RTTN: variants seen among roughly 807,000 people sequenced by gnomAD.
RTTN encodes rotatin.
In RTTN, 182 loss-of-function variants were observed where a neutral mutation model predicts 269.2. The observed-to-expected ratio is 0.68, with a 90% CI of 0.60 to 0.76. The LOEUF (loss-of-function observed/expected upper bound fraction) is 0.76, where lower values mean the gene tolerates loss of function less well. Ranked by LOEUF, RTTN falls within the 30% of genes least tolerant of loss-of-function variation. The pLI, the probability that RTTN is intolerant of heterozygous loss-of-function variation, is 0.00. For synonymous variants in RTTN, 1,006 were observed against 963.5 expected, an observed-to-expected ratio of 1.04 and a Z score of -0.82; for missense variants, 2,545 against 2,608.6, an observed-to-expected ratio of 0.98 and a Z score of 0.53.
At position 70,017,391 on chromosome 18, in the gene RTTN, G is replaced by A. The variant is rs371520515; in HGVS notation, c.6421+16C>T. On this transcript the variant is annotated intron_variant, in intron 46 of 48. Coordinates refer to ENST00000640769, the MANE Select transcript of RTTN (RefSeq NM_173630.4). ...AATAACTACATATATAAATGTATGT[G>A]TGTGTGAAAACTTACCATTAGCCAG... The A allele has an allele frequency of 1.9e-6, 3 of 1,607,150 alleles. No homozygotes were observed. In the African/African-American group the frequency reaches 4.0e-5, roughly 22 times the overall value.
At chr18:70,111,191 C>T (rs1316745850) in intron 27 of RTTN, among the ~76,000 whole-genome samples, 3 of 152,220 alleles carry the variant, frequency 2.0e-5, no homozygotes, top group Non-Finnish European at 2.9e-5. Context: ...GACCTCCCAG[C>T]ACACCGATCA....
chr18:70,132,481 T>C (rs1568435606), intron 23 of RTTN, among the ~76,000 whole-genome samples: 1 of 150,574 alleles, frequency 6.6e-6, no homozygotes, highest in Non-Finnish European at 1.5e-5. Flanking sequence ...TAAATATTAA[T>C]AATAAAATAA....
chr18:70,041,749 A>G (rs2057346681), intron 40 of RTTN, among the ~76,000 whole-genome samples: 2 of 152,188 alleles, frequency 1.3e-5, no homozygotes, highest in Non-Finnish European at 2.9e-5. Flanking sequence ...GGGCAAGGGT[A>G]TTCTACTAAA....
intron 21 of RTTN, among the ~76,000 whole-genome samples, chr18:70,136,937 AAAT>A (rs1332788881): frequency 6.6e-6 from 1 of 152,312 alleles, no homozygotes; most frequent in East Asian, 1.9e-4. Context: ...TACTCACATG[AAAT>A]AATATAGAAA....
At chr18:70,186,197 T>C (rs374910581) in intron 10 of RTTN, among the ~76,000 whole-genome samples, 3 of 152,060 alleles carry the variant, frequency 2.0e-5, no homozygotes, top group African/African-American at 7.2e-5. Flanking sequence ...AACAGGTGAA[T>C]GGATAAACAA....
At chr18:70,084,910 G>A (rs961051259) in intron 32 of RTTN, among the ~76,000 whole-genome samples, 2 of 152,160 alleles carry the variant, frequency 1.3e-5, no homozygotes, top group Non-Finnish European at 2.9e-5. Flanking sequence ...CATGCCACCA[G>A]CAACAAACAG....
chr18:70,099,495 C>A (rs545317159), intron 28 of RTTN, among the ~76,000 whole-genome samples: 72 of 152,064 alleles, frequency 4.7e-4, no homozygotes, highest in South Asian at 1.0e-3. Flanking sequence ...TTGTCAGATG[C>A]GTAGATTGCA....
At chr18:70,149,335 C>T (rs1440875734) in intron 16 of RTTN, among the ~76,000 whole-genome samples, 1 of 152,000 alleles carries the variant, frequency 6.6e-6, no homozygotes. Context: ...CGGTGAAGCA[C>T]CTCACAGATC....
chr18:70,054,202 T>C lies in RTTN; in HGVS notation c.5114A>G (p.Gln1705Arg). The part of the protein sequence containing the change: ...CLLVEPDLVI[Q>R]DELVKPLITN... The stretch of plus-strand genomic sequence containing the variant: ...GATAAGAGGTTTCACAAGCTCATCC[T>C]GAATCACAAGGTCAGGCTCCACCAA... The change falls in exon 38 of 49, where the codon CAG becomes CGG. Residue 1705 changes from glutamine (Q) to arginine (R), a missense_variant. Transcript: ENST00000640769. The C allele has an allele frequency of 6.2e-7, 1 of 1,613,868 alleles. No homozygotes were observed. The highest frequency in any genetic ancestry group is 8.5e-7 in the Non-Finnish European group (1 of 1,179,820).
chr18:70,184,033 G>A (rs1052792649), intron 10 of RTTN, among the ~76,000 whole-genome samples: 6 of 152,076 alleles, frequency 3.9e-5, no homozygotes, highest in African/African-American at 1.2e-4. Context: ...CTCCCAAAGT[G>A]CTTCAGAACC....
intron 32 of RTTN, 24 bp from the exon 33 acceptor site, chr18:70,075,565 G>T (rs285228): frequency 6.6e-6 from 10 of 1,523,714 alleles, no homozygotes; most frequent in Non-Finnish European, 7.9e-6. Flanking sequence ...GGGAAAGAAG[G>T]AGGAGACACT....
chr18:70,110,886 G>A (rs919604360), intron 27 of RTTN, among the ~76,000 whole-genome samples: 3 of 152,228 alleles, frequency 2.0e-5, no homozygotes, highest in Admixed American at 6.5e-5. Context: ...GGGGACGGGC[G>A]TCCGCCATTG....
chr18:70,205,215 T>C lies in RTTN; in HGVS notation c.132A>G (p.Gln44=), dbSNP rs1242568198. 3 of 1,614,228 alleles carry C rather than the reference T, an allele frequency of 1.9e-6. No individual in the cohort carries two copies. Among genetic ancestry groups the C allele is most frequent in the Admixed American group, 1.7e-5 (1 of 60,022 alleles). Residue 44 remains glutamine, a synonymous_variant, in exon 2 of 49, where the codon CAA becomes CAG. Transcript: ENST00000640769. ...ACCATTCCAGCAAATGAAGAAAAAGTTGCCTCTCCTGAATGAGATCAGCGT... is the reference window on the plus strand; with the variant it reads ...ACCATTCCAGCAAATGAAGAAAAAGCTGCCTCTCCTGAATGAGATCAGCGT... ...ICYADLIQER[Q]LFLHLLEWFN... is the part of the protein sequence containing the mutation.
intron 46 of RTTN, among the ~76,000 whole-genome samples, chr18:70,015,025 T>C (rs1156555162): frequency 2.0e-5 from 3 of 152,184 alleles, no homozygotes; most frequent in Non-Finnish European, 4.4e-5. Flanking sequence ...AGCATGTTAT[T>C]GTCGTTTTCA....
chr18:70,171,092 G>A (rs572445774), intron 11 of RTTN, among the ~76,000 whole-genome samples: 2 of 152,264 alleles, frequency 1.3e-5, no homozygotes, highest in East Asian at 3.9e-4. Context: ...AAAGGACACT[G>A]GATACAGGTA....
At chr18:70,196,324 T>C (rs193027462) in intron 7 of RTTN, among the ~76,000 whole-genome samples, 177 bp downstream of exon 7, 1 of 148,880 alleles carries the variant, frequency 6.7e-6, no homozygotes, top group Non-Finnish European at 1.5e-5. Flanking sequence ...CAAGAGATCA[T>C]GGCAGTTTCT....
intron 26 of RTTN, among the ~76,000 whole-genome samples, chr18:70,116,224 A>T (rs1009274288): frequency 1.3e-5 from 2 of 152,076 alleles, no homozygotes; most frequent in African/African-American, 4.8e-5. Flanking sequence ...AACTGTTTAT[A>T]CCAAGACGCA....
intron 10 of RTTN, among the ~76,000 whole-genome samples, chr18:70,184,706 T>TGTGTGTG (rs1369363481): frequency 4.1e-4 from 22 of 54,172 alleles, no homozygotes; most frequent in African/African-American, 1.5e-3. Flanking sequence ...ACAGCAGGTT[T>TGTGTGTG]TTTTTTTTTT....
Position 70,096,309 on chromosome 18 carries a change from A to G in RTTN, c.3904-3505T>C, listed in dbSNP as rs1291370813. On this transcript the variant is annotated intron_variant, in intron 28 of 48. Transcript: ENST00000640769. ...TGAAGCCTACTTCTGTCAATTCACC[A>G]AACTCATTCTCTATCCAGTTTTGTT... 2.6e-5 allele frequency among the ~76,000 whole-genome samples: 4 copies of G among 152,164 alleles called. No individual in the cohort carries two copies. In the East Asian group the frequency reaches 7.7e-4, roughly 29 times the overall value.
Sources: gnomAD v4.1 joint callset for allele counts (sites outside exome capture counted in the v4.1 genomes callset) on GRCh38, gnomAD v4.1.1 for gene constraint, MANE v1.5 for transcripts, NCBI Gene and HGNC (gene_info 2026-07-23, HGNC 2026-07-21) for gene names.